Variants in ARHGEF3 observed in about 807,000 individuals in gnomAD.
The protein encoded by ARHGEF3 is 59.8 kDA protein.
ARHGEF3 carries 28 observed loss-of-function variants against 63.2 expected under a neutral mutation model. The ratio of observed to expected loss-of-function variants is 0.44; its 90% confidence interval spans 0.33 to 0.61. The LOEUF (loss-of-function observed/expected upper bound fraction) is 0.61. Among genes scored for constraint, ARHGEF3 ranks in the 20% least tolerant of loss-of-function variants. The pLI is 0.03. For missense variants in ARHGEF3, 533 were observed against 659.3 expected, an observed-to-expected ratio of 0.81 and a Z score of 2.10; for synonymous variants, 266 against 254.2, an observed-to-expected ratio of 1.05 and a Z score of -0.44.
chr3:57,034,657 T>C (rs1274334722), intron 2 of ARHGEF3, among the ~76,000 whole-genome samples: 1 of 41,048 alleles, frequency 2.4e-5, no homozygotes, highest in Non-Finnish European at 5.5e-5. Context: ...CTCCAAATTC[T>C]TTTTTTTTTT....
intron 4 of ARHGEF3, among the ~76,000 whole-genome samples, chr3:56,821,599 T>C (rs540232788): frequency 1.3e-5 from 2 of 152,310 alleles, no homozygotes; most frequent in African/African-American, 2.4e-5. Flanking sequence ...TATCTAGAGA[T>C]GTCAATACCT....
intron 3 of ARHGEF3, among the ~76,000 whole-genome samples, chr3:56,924,205 G>T (rs2042221598): frequency 6.6e-6 from 1 of 152,174 alleles, no homozygotes; most frequent in Admixed American, 6.5e-5. Context: ...CAAACTAAAT[G>T]ATGTGTAAAA....
chr3:57,028,921 T>C (rs1186821219), intron 2 of ARHGEF3, among the ~76,000 whole-genome samples: 1 of 151,546 alleles, frequency 6.6e-6, no homozygotes. Context: ...TTGCAGCAAA[T>C]CTTCCAAGAT....
At chr3:57,006,310 C>T (rs576736077) in intron 2 of ARHGEF3, among the ~76,000 whole-genome samples, 14 of 152,274 alleles carry the variant, frequency 9.2e-5, no homozygotes, top group African/African-American at 7.2e-5. Flanking sequence ...CAATGACCAG[C>T]GTGAGGTATC....
chr3:56,981,527 A>G (rs1425612377), intron 2 of ARHGEF3, among the ~76,000 whole-genome samples: 1 of 152,226 alleles, frequency 6.6e-6, no homozygotes, highest in African/African-American at 2.4e-5. Flanking sequence ...TAGTTGTTGA[A>G]TAAAAACAAA....
At position 56,773,860 on chromosome 3, in the gene ARHGEF3, T is replaced by A. The variant is rs371923310; in HGVS notation, c.97-44A>T. 3 of 1,482,768 alleles carry A rather than the reference T, an allele frequency of 2.0e-6. No individual in the cohort carries two copies. The African/African-American group carries it at 4.2e-5, about 21-fold the overall frequency. 91.9% of individuals were successfully genotyped at this position (1,482,768 alleles called of 1,614,324 possible). On this transcript the variant is annotated intron_variant, in intron 1 of 9. Coordinates refer to ENST00000296315, the MANE Select transcript of ARHGEF3 (RefSeq NM_019555.3). ...AAAAAAGTAAAATGTCAAGGTCAATTGCAAAGACAACATAACTCCATCATA... is the reference window on the plus strand; with the variant it reads ...AAAAAAGTAAAATGTCAAGGTCAATAGCAAAGACAACATAACTCCATCATA...
At chr3:56,737,157 A>C (rs1318544342) in intron 8 of ARHGEF3, 28 bp downstream of exon 8, 1 of 1,592,318 alleles carries the variant, frequency 6.3e-7, no homozygotes, top group East Asian at 2.2e-5. Flanking sequence ...GAGGCGGATA[A>C]GACTGCTTAA....
At chr3:56,836,777 A>C (rs1197459404) in intron 4 of ARHGEF3, among the ~76,000 whole-genome samples, 1 of 152,120 alleles carries the variant, frequency 6.6e-6, no homozygotes, top group Non-Finnish European at 1.5e-5. Flanking sequence ...AAATACAAAA[A>C]TTAGCTGGGT....
chr3:56,925,567 C>T (rs1373320302), intron 3 of ARHGEF3, among the ~76,000 whole-genome samples: 1 of 152,132 alleles, frequency 6.6e-6, no homozygotes, highest in Non-Finnish European at 1.5e-5. Flanking sequence ...CCACCATTGA[C>T]TGGGGGCTTG....
At chr3:56,985,714 C>G (rs957982067) in intron 2 of ARHGEF3, among the ~76,000 whole-genome samples, 4 of 152,216 alleles carry the variant, frequency 2.6e-5, no homozygotes, top group African/African-American at 9.6e-5. Flanking sequence ...CTCGCCCCCT[C>G]GATCCCCTCA....
intron 3 of ARHGEF3, among the ~76,000 whole-genome samples, chr3:56,932,677 C>T (rs1332330509): frequency 6.6e-6 from 1 of 152,160 alleles, no homozygotes; most frequent in African/African-American, 2.4e-5. Context: ...GGCCAATAAA[C>T]TTACATATGT....
chr3:56,746,741 T>A (rs529230860), intron 6 of ARHGEF3, among the ~76,000 whole-genome samples: 44 of 151,424 alleles, frequency 2.9e-4, no homozygotes, highest in African/African-American at 4.6e-4. Context: ...AAAAAAAAAA[T>A]AAATAAATAC....
At chr3:56,849,124 A>T (rs2039586856) in intron 4 of ARHGEF3, among the ~76,000 whole-genome samples, 1 of 152,204 alleles carries the variant, frequency 6.6e-6, no homozygotes, top group African/African-American at 2.4e-5. Flanking sequence ...AGCCTCACTC[A>T]GCTCCTGCTG....
intron 4 of ARHGEF3, among the ~76,000 whole-genome samples, chr3:56,814,524 G>A (rs1346955276): frequency 6.6e-6 from 1 of 152,078 alleles, no homozygotes; most frequent in Non-Finnish European, 1.5e-5. Flanking sequence ...CTATAAAATG[G>A]GGATATGAGA....
At chr3:56,740,890 G>C (rs1428531278) in intron 7 of ARHGEF3, among the ~76,000 whole-genome samples, 1 of 152,178 alleles carries the variant, frequency 6.6e-6, no homozygotes, top group Non-Finnish European at 1.5e-5. Flanking sequence ...ATAAATATGT[G>C]TTCATTTCCT....
At chr3:56,956,267 TTTTA>T (rs1235015001) in intron 3 of ARHGEF3, among the ~76,000 whole-genome samples, 1 of 148,702 alleles carries the variant, frequency 6.7e-6, no homozygotes, top group African/African-American at 2.4e-5. Context: ...TATTACTTTT[TTTTA>T]AATTTTATTT....
intron 1 of ARHGEF3, among the ~76,000 whole-genome samples, chr3:57,038,382 C>T (rs568854956): frequency 2.0e-5 from 3 of 152,302 alleles, no homozygotes; most frequent in Admixed American, 6.5e-5. Context: ...GTGATACTCT[C>T]GGATCCCTCT....
intron 2 of ARHGEF3, among the ~76,000 whole-genome samples, chr3:56,990,926 G>C (rs534050665): frequency 6.6e-6 from 1 of 152,266 alleles, no homozygotes; most frequent in South Asian, 2.1e-4. Flanking sequence ...GATGAGCCGT[G>C]TACACTCAGC....
At chr3:56,950,507 C>A (rs957326167) in intron 3 of ARHGEF3, among the ~76,000 whole-genome samples, 24 of 152,080 alleles carry the variant, frequency 1.6e-4, no homozygotes, top group Non-Finnish European at 2.2e-4. Context: ...GACATTTATG[C>A]AGCCAAAAGA....
Sources: gnomAD v4.1 joint callset for allele counts (sites outside exome capture counted in the v4.1 genomes callset) on GRCh38, gnomAD v4.1.1 for gene constraint, MANE v1.5 for transcripts, NCBI Gene and HGNC (gene_info 2026-07-23, HGNC 2026-07-21) for gene names.